Variants in TANC1 observed in about 807,000 individuals in gnomAD.
The protein encoded by TANC1 is tetratricopeptide repeat, ankyrin repeat and coiled-coil containing 1.
A neutral mutation model predicts 149.7 loss-of-function variants in TANC1; 77 were observed. The observed-to-expected ratio is 0.51, with a 90% CI of 0.43 to 0.62. The LOEUF (loss-of-function observed/expected upper bound fraction) is 0.62. Among genes scored for constraint, TANC1 ranks in the 20% least tolerant of loss-of-function variants. TANC1 has a pLI of 0.00. For missense variants in TANC1, 1,985 were observed against 2,321.8 expected (o/e 0.85, Z 2.98); for synonymous variants, 854 against 925.0 (o/e 0.92, Z 1.39).
At chr2:159,075,286 C>T (rs946359106) in intron 3 of TANC1, among the ~76,000 whole-genome samples, 4 of 151,798 alleles carry the variant, frequency 2.6e-5, no homozygotes, top group African/African-American at 4.8e-5. Context: ...TCGAAAAATA[C>T]GCTGGGCCCA....
chr2:159,168,913 G>T (rs966527931), intron 8 of TANC1, among the ~76,000 whole-genome samples: 2 of 152,128 alleles, frequency 1.3e-5, no homozygotes, highest in Non-Finnish European at 2.9e-5. Flanking sequence ...CCACCTGCTT[G>T]TGGTGTTAAG....
chr2:159,195,493 A>AT (rs1302537402), intron 17 of TANC1, among the ~76,000 whole-genome samples: 3 of 152,176 alleles, frequency 2.0e-5, no homozygotes, highest in African/African-American at 4.8e-5. Context: ...TACTGGAAGC[A>AT]TTTTTTTGGG....
At chr2:159,031,037 C>T (rs1197345057) in intron 2 of TANC1, among the ~76,000 whole-genome samples, 1 of 152,118 alleles carries the variant, frequency 6.6e-6, no homozygotes, top group African/African-American at 2.4e-5. Flanking sequence ...GGAAGATTGC[C>T]AAGAGCAAGG....
intron 24 of TANC1, 22 bp from the exon 25 acceptor site, chr2:159,227,797 G>A (rs1437804668): frequency 8.1e-6 from 13 of 1,612,786 alleles, no homozygotes; most frequent in Non-Finnish European, 1.1e-5. Context: ...AAGGACAAAT[G>A]TTTGTGATTT....
chr2:159,137,884 C>T (rs958365541), intron 5 of TANC1, among the ~76,000 whole-genome samples: 28 of 152,168 alleles, frequency 1.8e-4, no homozygotes, highest in Admixed American at 6.5e-4. Context: ...CGTTAAGGTT[C>T]TGTACAGGGA....
intron 4 of TANC1, among the ~76,000 whole-genome samples, chr2:159,107,218 C>A (rs550151517): frequency 8.6e-5 from 13 of 151,762 alleles, no homozygotes; most frequent in Non-Finnish European, 1.5e-4. Context: ...GTAGAGAGGG[C>A]ATTTCACCAT....
intron 3 of TANC1, among the ~76,000 whole-genome samples, chr2:159,077,493 T>C (rs1364000954): frequency 6.6e-6 from 1 of 152,242 alleles, no homozygotes; most frequent in Admixed American, 6.5e-5. Context: ...TCATTCAAGA[T>C]ATTTTCTGTG....
intron 2 of TANC1, among the ~76,000 whole-genome samples, chr2:159,045,833 A>G (rs2040994878): frequency 6.6e-6 from 1 of 152,242 alleles, no homozygotes; most frequent in South Asian, 2.1e-4. Context: ...TTCACTTAAA[A>G]TTGCATGCGA....
At chr2:159,198,911 C>A in intron 18 of TANC1, 64 bp from the exon 19 acceptor site, 1 of 1,117,748 alleles carries the variant, frequency 8.9e-7, no homozygotes, top group Non-Finnish European at 1.4e-6. Context: ...TCCTTTGATA[C>A]ATGGGCTATA....
At chr2:158,978,608 T>G (rs1353481224) in intron 1 of TANC1, among the ~76,000 whole-genome samples, 2 of 152,186 alleles carry the variant, frequency 1.3e-5, no homozygotes, top group African/African-American at 2.4e-5. Context: ...GATAGTGAGC[T>G]GTCTGCAACT....
chr2:159,017,399 G>T (rs887426078), intron 2 of TANC1, among the ~76,000 whole-genome samples: 4 of 152,164 alleles, frequency 2.6e-5, no homozygotes, highest in African/African-American at 9.7e-5. Flanking sequence ...AAAGACATCA[G>T]TTTATTTAAG....
At chr2:159,187,523 C>T (rs751493264) in intron 16 of TANC1, among the ~76,000 whole-genome samples, 1 of 152,232 alleles carries the variant, frequency 6.6e-6, no homozygotes, top group Non-Finnish European at 1.5e-5. Context: ...AGAGCTTCTT[C>T]ACTTCTTGGT....
chr2:159,228,819 T>G lies in TANC1; in HGVS notation c.4074T>G (p.Phe1358Leu). 1 of 1,614,184 alleles carries G rather than the reference T, an allele frequency of 6.2e-7. No individual in the cohort carries two copies. The highest frequency in any genetic ancestry group is 8.5e-7 in the Non-Finnish European group (1 of 1,180,006). ...KTNDFGMAEE[F>L]ASKALELKPK... ...AGGACTTTGGCATGGCAGAGGAATT[T>G]GCTTCCAAGGCTCTCGAATTGAAGC... The change falls in exon 26 of 27, where the codon TTT (phenylalanine) becomes TTG (leucine). Residue 1358 changes from phenylalanine (F) to leucine (L), a missense_variant. This residue lies in a region of TANC1 where 920 missense variants were observed against 994.7 expected (regional missense o/e 0.92). Transcript: ENST00000263635.
At chr2:159,160,759 C>A in intron 7 of TANC1, among the ~76,000 whole-genome samples, 1 of 152,170 alleles carries the variant, frequency 6.6e-6, no homozygotes, top group Admixed American at 6.5e-5. Context: ...CCGTGGAATG[C>A]CTCTCTCACA....
At chr2:159,056,861 G>A in intron 2 of TANC1, 1 of 317,558 alleles carries the variant, frequency 3.1e-6, no homozygotes, top group Non-Finnish European at 6.6e-6. Flanking sequence ...TTCAATCATA[G>A]GAGTTTCCTG....
At position 159,224,271 on chromosome 2, in the gene TANC1, G is replaced by A. The variant is rs1483699479; in HGVS notation, c.3718G>A (p.Val1240Met). The change falls in exon 23 of 27, where the codon GTG becomes ATG. Residue 1240 changes from valine (V) to methionine (M), a missense_variant. Coordinates refer to ENST00000263635, the MANE Select transcript of TANC1 (RefSeq NM_033394.3). ...LVEKGAVIEH[V>M]DHSGMRPLDR... is the part of the protein sequence containing the mutation. ...GGAGAAGGGAGCCGTGATCGAGCATGTGGACCACAGCGGGATGCGGCCCTT... is the reference window on the plus strand; with the variant it reads ...GGAGAAGGGAGCCGTGATCGAGCATATGGACCACAGCGGGATGCGGCCCTT... 2 of 1,614,190 alleles carry A rather than the reference G, an allele frequency of 1.2e-6. No homozygotes were observed. The highest frequency in any genetic ancestry group is 4.5e-5 in the East Asian group (2 of 44,884).
chr2:159,221,756 A>G (rs892897995), intron 22 of TANC1, among the ~76,000 whole-genome samples: 5 of 152,248 alleles, frequency 3.3e-5, no homozygotes, highest in African/African-American at 1.2e-4. Flanking sequence ...ATAATATGGA[A>G]AGCTTTGGGC....
At position 159,097,753 on chromosome 2, in the gene TANC1, G is replaced by T. The variant is rs1436797026; in HGVS notation, c.178G>T (p.Val60Phe). The stretch of plus-strand genomic sequence containing the variant: ...CTATAGGGTGAGCTTGGCCAAAGGT[G>T]TCTCGATGTCTCTGCCTTCCTCACC... ...DTYRVSLAKG[V>F]SMSLPSSPLL... Residue 60 changes from valine (V) to phenylalanine (F), a missense_variant, in exon 4 of 27, where the codon GTC (valine) becomes TTC (phenylalanine). By Grantham distance (50) the Val-to-Phe change is conservative (BLOSUM62 -1). Around this residue, in one of 3 missense-constraint regions of TANC1, gnomAD observed 557 missense variants for 612.9 expected, o/e 0.91. Transcript: ENST00000263635. 6.2e-7 allele frequency: 1 copy of T among 1,614,002 alleles called. No individual in the cohort carries two copies. Among genetic ancestry groups the T allele is most frequent in the Non-Finnish European group, 8.5e-7 (1 of 1,180,034 alleles).
At chr2:158,998,912 G>C (rs990284550) in intron 1 of TANC1, among the ~76,000 whole-genome samples, 1 of 152,204 alleles carries the variant, frequency 6.6e-6, no homozygotes, top group Non-Finnish European at 1.5e-5. Flanking sequence ...AGCTCAGGAA[G>C]GGGTAGGAAC....
Sources: gnomAD v4.1 joint callset for allele counts (sites outside exome capture counted in the v4.1 genomes callset) on GRCh38, gnomAD v4.1.1 for gene constraint, gnomAD v4.1.1 regional missense constraint, MANE v1.5 for transcripts, NCBI Gene and HGNC (gene_info 2026-07-23, HGNC 2026-07-21) for gene names.